Variants in CLASP1 observed in about 807,000 individuals in gnomAD.
CLASP1 encodes cytoplasmic linker associated protein 1.
A neutral mutation model predicts 192.3 loss-of-function variants in CLASP1; 38 were observed. The ratio of observed to expected loss-of-function variants is 0.20; its 90% CI spans 0.15 to 0.26. The LOEUF (loss-of-function observed/expected upper bound fraction) is 0.26, where lower values mean the gene tolerates loss of function less well. CLASP1 is among the 10% of genes least tolerant of loss of function. The probability of loss-of-function intolerance (pLI) is 1.00; values close to 1 mark genes in which losing one functional copy is unlikely to be tolerated. For synonymous variants in CLASP1, 691 were observed against 712.8 expected (o/e 0.97, Z 0.49); for missense variants, 1,433 against 1,932.5 (o/e 0.74, Z 4.85).
intron 18 of CLASP1, among the ~76,000 whole-genome samples, chr2:121,447,797 GTGAAATA>G (rs1369786276): frequency 6.6e-6 from 1 of 152,162 alleles, no homozygotes; most frequent in Non-Finnish European, 1.5e-5. Context: ...CTACGAAGAA[GTGAAATA>G]AGGAAAAAAT....
rs183721550 is a variant in CLASP1 at position 121,341,458 on chromosome 2, T to G, written c.4531-511A>C. ...ACCACGCCTGACAGTACTTTAAATG[T>G]AAATGGATTAAACTCTTCAATCAAA... On this transcript the variant is annotated intron_variant, in intron 39 of 39. Coordinates refer to ENST00000263710, the Ensembl canonical transcript of CLASP1. Among the ~76,000 whole-genome samples the G allele has an allele frequency of 2.8e-4, 43 of 152,304 alleles. No individual in the cohort carries two copies. In the Middle Eastern group the frequency reaches 0.014, roughly 48 times the overall value.
At chr2:121,464,561 C>T (rs184491819) in intron 9 of CLASP1, among the ~76,000 whole-genome samples, 136 of 152,306 alleles carry the variant, frequency 8.9e-4, no homozygotes, top group African/African-American at 3.2e-3. Context: ...GATGGTATCT[C>T]ATTGTGGTTT....
intron 2 of CLASP1, among the ~76,000 whole-genome samples, chr2:121,581,278 T>TTTTTTTTG: frequency 7.5e-6 from 1 of 133,998 alleles, no homozygotes; most frequent in Non-Finnish European, 1.6e-5. Context: ...TTTTTTTTTT[T>TTTTTTTTG]TTTTTTTGAG....
intron 1 of CLASP1, among the ~76,000 whole-genome samples, chr2:121,630,562 G>C (rs1177607492): frequency 6.6e-6 from 1 of 152,094 alleles, no homozygotes; most frequent in Non-Finnish European, 1.5e-5. Context: ...AAAGAGAAAA[G>C]CAAACAAGAA....
chr2:121,357,851 C>T (rs1352384960), intron 37 of CLASP1, among the ~76,000 whole-genome samples: 1 of 152,242 alleles, frequency 6.6e-6, no homozygotes, highest in Non-Finnish European at 1.5e-5. Context: ...CCCATGCCCC[C>T]TCCCTTGGCC....
At chr2:121,520,242 G>A (rs1419071805) in intron 6 of CLASP1, among the ~76,000 whole-genome samples, 1 of 152,192 alleles carries the variant, frequency 6.6e-6, no homozygotes, top group Non-Finnish European at 1.5e-5. Context: ...ACCTTAATGT[G>A]GATGCCAAAA....
chr2:121,365,489 G>C (rs1372404014), intron 35 of CLASP1, among the ~76,000 whole-genome samples: 1 of 152,188 alleles, frequency 6.6e-6, no homozygotes, highest in Non-Finnish European at 1.5e-5. Context: ...CAAGTTCACT[G>C]TGAAAGCAGA....
chr2:121,470,058 C>T lies in CLASP1; in HGVS notation c.713-98G>A, dbSNP rs370200381. ...ACCTGATTATAAAACAATTAGTCTTCGAGACTGATTCTGCATACTCTTTTG... is the reference window on the plus strand; with the variant it reads ...ACCTGATTATAAAACAATTAGTCTTTGAGACTGATTCTGCATACTCTTTTG... On this transcript the variant is annotated intron_variant, in intron 8 of 39. Coordinates refer to ENST00000263710, the Ensembl canonical transcript of CLASP1. 23 of 980,430 alleles carry T rather than the reference C, an allele frequency of 2.3e-5. 1 individual carries two copies. Among genetic ancestry groups the T allele is most frequent in the South Asian group, 1.6e-4 (10 of 61,150 alleles). 60.7% of individuals were successfully genotyped at this position (980,430 alleles called of 1,614,324 possible). A position where few individuals can be genotyped will look rare whatever the true frequency, so the allele number is the denominator to read the frequency against.
At chr2:121,430,324 G>C in intron 19 of CLASP1, 147 bp from the exon 20 acceptor site, 1 of 618,846 alleles carries the variant, frequency 1.6e-6, no homozygotes, top group Admixed American at 2.8e-5. Context: ...TCCACACGAG[G>C]TCTGCCACGT....
intron 30 of CLASP1, 80 bp downstream of exon 31, chr2:121,397,060 G>T: frequency 1.4e-6 from 2 of 1,471,358 alleles, no homozygotes; most frequent in Non-Finnish European, 1.9e-6. Flanking sequence ...GGGTGGCACG[G>T]TTTTCAAGTT....
At chr2:121,450,346 T>A (rs1269282122) in intron 16 of CLASP1, among the ~76,000 whole-genome samples, 1 of 150,848 alleles carries the variant, frequency 6.6e-6, no homozygotes. Flanking sequence ...AAAAAAAAAA[T>A]TTCCAAGGAG....
At chr2:121,526,619 G>T (rs1005196428) in intron 5 of CLASP1, among the ~76,000 whole-genome samples, 1 of 151,904 alleles carries the variant, frequency 6.6e-6, no homozygotes, top group African/African-American at 2.4e-5. Context: ...CACTGAAAAG[G>T]CTAACATATT....
At chr2:121,502,686 T>G (rs2093795197) in intron 8 of CLASP1, among the ~76,000 whole-genome samples, 1 of 152,200 alleles carries the variant, frequency 6.6e-6, no homozygotes. Flanking sequence ...CATGGTGAGT[T>G]GGTGAATTGT....
At chr2:121,528,818 A>T in intron 3 of CLASP1, 38 bp from the exon 4 acceptor site, 1 of 1,510,302 alleles carries the variant, frequency 6.6e-7, no homozygotes, top group Non-Finnish European at 9.2e-7. Flanking sequence ...ATGAAACCCT[A>T]TTTGGGGGTC....
chr2:121,392,223 A>G (rs2074486456), intron 30 of CLASP1, among the ~76,000 whole-genome samples: 1 of 152,230 alleles, frequency 6.6e-6, no homozygotes, highest in African/African-American at 2.4e-5. Flanking sequence ...ACATACAGGC[A>G]TTTTAAATTC....
intron 14 of CLASP1, among the ~76,000 whole-genome samples, chr2:121,453,689 C>T (rs529249490): frequency 6.6e-6 from 1 of 152,330 alleles, no homozygotes; most frequent in South Asian, 2.1e-4. Flanking sequence ...CAAAATGTAG[C>T]TCATTTTTAA....
intron 2 of CLASP1, among the ~76,000 whole-genome samples, chr2:121,602,676 T>C (rs375591762): frequency 6.6e-6 from 1 of 152,174 alleles, no homozygotes; most frequent in South Asian, 2.1e-4. Flanking sequence ...CAACTGACTT[T>C]TGACAAAGGT....
At chr2:121,379,647 A>G (rs949989169) in intron 33 of CLASP1, among the ~76,000 whole-genome samples, 2 of 152,236 alleles carry the variant, frequency 1.3e-5, no homozygotes, top group African/African-American at 4.8e-5. Flanking sequence ...TGCAAAAGAA[A>G]AAAAATCCAA....
intron 15 of CLASP1, 107 bp from the exon 16 acceptor site, chr2:121,451,097 C>T: frequency 1.3e-6 from 1 of 793,640 alleles, no homozygotes; most frequent in Non-Finnish European, 2.1e-6. Context: ...AGCTGGGAGC[C>T]TCTGTGCCAA....
Sources: allele counts gnomAD v4.1 joint callset (sites outside exome capture counted in the v4.1 genomes callset), GRCh38; gene constraint gnomAD v4.1.1; transcripts MANE v1.5; gene names NCBI Gene and HGNC (gene_info 2026-07-23, HGNC 2026-07-21).